The following ADRA1B variants were observed in gnomAD, a reference collection of about 807,000 sequenced individuals.
ADRA1B encodes the protein adrenoceptor alpha 1B.
ADRA1B carries 17 observed loss-of-function variants against 17.9 expected under a neutral mutation model. The observed-to-expected ratio is 0.95, with a 90% CI of 0.65 to 1.42. ADRA1B has a LOEUF of 1.42. Among genes scored for constraint, ADRA1B ranks in the 40% most tolerant of loss-of-function variants. ADRA1B has a pLI of 0.00. For synonymous variants in ADRA1B, 366 were observed against 327.6 expected (o/e 1.12, Z -1.27); for missense variants, 681 against 722.1 (o/e 0.94, Z 0.65).
intron 1 of ADRA1B, among the ~76,000 whole-genome samples, chr5:159,955,580 C>T (rs969185254): frequency 6.6e-6 from 1 of 152,158 alleles, no homozygotes; most frequent in Non-Finnish European, 1.5e-5. Context: ...CCTAAGACAC[C>T]TGTGCCTCTC....
chr5:159,942,484 A>G (rs1271016966), intron 1 of ADRA1B, among the ~76,000 whole-genome samples: 1 of 152,226 alleles, frequency 6.6e-6, no homozygotes, highest in Non-Finnish European at 1.5e-5. Flanking sequence ...CAGCAGTTAG[A>G]AGGAATGAAT....
intron 1 of ADRA1B, among the ~76,000 whole-genome samples, chr5:159,897,527 G>A (rs1011755486): frequency 1.3e-5 from 2 of 151,846 alleles, no homozygotes; most frequent in Non-Finnish European, 2.9e-5. Context: ...AAAGCAGGTA[G>A]CCATTTAGGT....
intron 1 of ADRA1B, among the ~76,000 whole-genome samples, chr5:159,951,951 G>A (rs762948418): frequency 6.6e-6 from 1 of 152,106 alleles, no homozygotes; most frequent in Non-Finnish European, 1.5e-5. Context: ...CCTTCTTGGA[G>A]GCCCAGAACT....
intron 1 of ADRA1B, among the ~76,000 whole-genome samples, chr5:159,942,257 C>T (rs4921099): frequency 0.42 from 64,227 of 151,866 alleles, 13,987 homozygotes; most frequent in East Asian, 0.74. Context: ...ATGAAATTGT[C>T]CTGTAATTAG....
At chr5:159,929,758 T>A (rs72808197) in intron 1 of ADRA1B, among the ~76,000 whole-genome samples, 10,106 of 151,718 alleles carry the variant, frequency 0.067, 368 homozygotes, top group East Asian at 0.14. Flanking sequence ...AAAAAAAAAA[T>A]GAAAAAATTA....
chr5:159,962,939 T>C lies in ADRA1B; in HGVS notation c.950-8940T>C, dbSNP rs561123253. On this transcript the variant is annotated intron_variant, in intron 1 of 1. Coordinates refer to ENST00000306675, the MANE Select transcript of ADRA1B (RefSeq NM_000679.4). ...TCTTTCTTTTTCTTTTCTTTTCTTT[T>C]TTTTTTTTTTTTTGAAACAACGTCT... Among the ~76,000 whole-genome samples, 4 of 144,246 alleles carry C rather than the reference T, an allele frequency of 2.8e-5. No homozygotes were observed. The South Asian group carries it at 6.7e-4, about 24-fold the overall frequency. 94.6% of individuals were successfully genotyped at this position (144,246 alleles called of 152,430 possible).
At chr5:159,948,267 C>G in intron 1 of ADRA1B, 1 of 985,452 alleles carries the variant, frequency 1.0e-6, no homozygotes, top group Non-Finnish European at 1.2e-6. Flanking sequence ...GGTTAAGAAG[C>G]TGGACCTTTT....
chr5:159,936,461 C>A (rs1754957938), intron 1 of ADRA1B, among the ~76,000 whole-genome samples: 1 of 152,184 alleles, frequency 6.6e-6, no homozygotes. Flanking sequence ...TGATGGACAG[C>A]AAGCACTGTT....
intron 1 of ADRA1B, among the ~76,000 whole-genome samples, chr5:159,920,871 A>T (rs1754458643): frequency 6.6e-6 from 1 of 152,188 alleles, no homozygotes; most frequent in Non-Finnish European, 1.5e-5. Flanking sequence ...AAACTTTTTC[A>T]CTCATAAGGG....
chr5:159,922,154 C>G (rs1754502239), intron 1 of ADRA1B, among the ~76,000 whole-genome samples: 1 of 152,230 alleles, frequency 6.6e-6, no homozygotes, highest in Admixed American at 6.5e-5. Flanking sequence ...AGAAGGCTTA[C>G]AGCCTGGTGA....
chr5:159,881,207 A>C (rs888281899), intron 1 of ADRA1B, among the ~76,000 whole-genome samples: 1 of 148,744 alleles, frequency 6.7e-6, no homozygotes, highest in African/African-American at 2.5e-5. Flanking sequence ...AAAAAAAAAA[A>C]TTCTGGCATG....
Position 159,931,493 on chromosome 5 carries a change from A to AT in ADRA1B, c.949+13645dup, listed in dbSNP as rs1182377187. 5.3e-5 allele frequency among the ~76,000 whole-genome samples: 8 copies of AT among 151,898 alleles called. No individual in the cohort carries two copies. The South Asian group carries it at 8.3e-4, about 16-fold the overall frequency. On this transcript the variant is annotated intron_variant, in intron 1 of 1. Coordinates refer to ENST00000306675, the MANE Select transcript of ADRA1B (RefSeq NM_000679.4). Reference sequence around the variant, plus strand: ...TCAAAATCATGCTGTCAAGTTGTTGATTTTTTATTCGTTTCAAAATGAGAA... The same window carrying AT: ...TCAAAATCATGCTGTCAAGTTGTTGATTTTTTTATTCGTTTCAAAATGAGAA...
chr5:159,900,696 C>T (rs1042632924), intron 1 of ADRA1B, among the ~76,000 whole-genome samples: 3 of 152,240 alleles, frequency 2.0e-5, no homozygotes, highest in African/African-American at 7.2e-5. Flanking sequence ...GTCTCTCTCC[C>T]TTCTGCCATA....
chr5:159,917,751 A>G lies in ADRA1B; in HGVS notation c.846A>G (p.Lys282=). Residue 282 remains lysine (K), a synonymous_variant, in exon 1 of 2, where the codon AAA becomes AAG. Transcript: ENST00000306675. ...ACCCCAGGAGTTCCATAGCTGTCAA[A>G]CTTTTTAAGTTCTCCAGGGAAAAGA... is the stretch of plus-strand genomic sequence containing the variant. ...GHNPRSSIAV[K]LFKFSREKKA... The G allele has an allele frequency of 1.2e-6, 2 of 1,614,080 alleles. No individual in the cohort carries two copies. The highest frequency in any genetic ancestry group is 1.7e-6 in the Non-Finnish European group (2 of 1,180,024).
intron 1 of ADRA1B, among the ~76,000 whole-genome samples, chr5:159,960,135 C>T (rs565757438): frequency 6.6e-6 from 1 of 152,312 alleles, no homozygotes; most frequent in Admixed American, 6.5e-5. Context: ...CGGGTCTTCT[C>T]AGGCTGTTCA....
chr5:159,879,954 C>T (rs1753839592), intron 1 of ADRA1B, among the ~76,000 whole-genome samples: 1 of 152,010 alleles, frequency 6.6e-6, no homozygotes, highest in Admixed American at 6.5e-5. Context: ...TGAGATCGCA[C>T]CACTGCACTC....
At chr5:159,957,483 C>T (rs1269402252) in intron 1 of ADRA1B, among the ~76,000 whole-genome samples, 2 of 119,948 alleles carry the variant, frequency 1.7e-5, no homozygotes, top group African/African-American at 3.3e-5. Context: ...CCAATCTGGG[C>T]AATAGAGTGA....
At position 159,917,161 on chromosome 5, in the gene ADRA1B, A is replaced by C; in HGVS notation, c.256A>C (p.Asn86His). ...GACGCCCACCAACTACTTCATTGTC[A>C]ACCTGGCCATGGCCGACCTGCTGTT... ...LRTPTNYFIV[N>H]LAMADLLLSF... The change falls in exon 1 of 2, where the codon AAC (asparagine) becomes CAC (histidine). Residue 86 changes from asparagine (N) to histidine (H), a missense_variant. Transcript: ENST00000306675. 2 of 1,614,118 alleles carry C rather than the reference A, an allele frequency of 1.2e-6. No individual in the cohort carries two copies. Among genetic ancestry groups the C allele is most frequent in the Non-Finnish European group, 1.7e-6 (2 of 1,180,020 alleles).
the ADRA1B span, among the ~76,000 whole-genome samples, chr5:159,988,828 A>C: frequency 1.3e-5 from 2 of 152,318 alleles, no homozygotes; most frequent in African/African-American, 4.8e-5. Flanking sequence ...AAAATTTTAA[A>C]AATTAGCCAG....
Sources: gnomAD v4.1 joint callset for allele counts (sites outside exome capture counted in the v4.1 genomes callset) on GRCh38, gnomAD v4.1.1 for gene constraint, MANE v1.5 for transcripts, NCBI Gene and HGNC (gene_info 2026-07-23, HGNC 2026-07-21) for gene names.